The following SRCIN1 variants were observed in gnomAD, a reference collection of about 807,000 sequenced individuals.
The protein encoded by SRCIN1 is SRC kinase signaling inhibitor 1, also known as P130Cas-associated protein.
SRCIN1 carries 50 observed loss-of-function variants against 116.2 expected under a neutral mutation model. That is an observed-to-expected ratio of 0.43 (90% CI 0.34 to 0.54). The LOEUF (loss-of-function observed/expected upper bound fraction) is 0.54. Among genes scored for constraint, SRCIN1 ranks in the 20% least tolerant of loss-of-function variants. The pLI is 0.02. For missense variants in SRCIN1, 1,446 were observed against 1,672.0 expected, an observed-to-expected ratio of 0.86 and a Z score of 2.36; for synonymous variants, 736 against 750.0, an observed-to-expected ratio of 0.98 and a Z score of 0.30.
chr17:38,578,527 A>G lies in SRCIN1; in HGVS notation c.287T>C (p.Leu96Pro). The change falls in exon 2 of 19, where the codon CTG (leucine) becomes CCG (proline). Residue 96 changes from leucine (L) to proline (P), a missense_variant. By Grantham distance (98) the Leu-to-Pro change is moderately conservative (BLOSUM62 -3). This residue lies in a region of SRCIN1 where 246 missense variants were observed against 265.1 expected (regional missense o/e 0.93). Coordinates refer to ENST00000617146, the MANE Select transcript of SRCIN1 (RefSeq NM_025248.3). The stretch of plus-strand genomic sequence containing the variant: ...CCTGTCCTGCTGGCCTCGCAGGGCC[A>G]GGGCGTGCTGTGGGTACTTGCTCTT... ...HLKSKYPQHA[L>P]ALRGQQDRMR... 1 of 1,597,254 alleles carries G rather than the reference A, an allele frequency of 6.3e-7. No homozygotes were observed. Among genetic ancestry groups the G allele is most frequent in the Non-Finnish European group, 8.6e-7 (1 of 1,166,446 alleles).
intron 16 of SRCIN1, 85 bp from the exon 17 acceptor site, chr17:38,548,794 C>A: frequency 1.4e-6 from 2 of 1,442,254 alleles, no homozygotes; most frequent in Admixed American, 2.7e-5. Flanking sequence ...GCCCATGTAC[C>A]CCAGCTTCTC....
intron 18 of SRCIN1, chr17:38,543,120 G>A (rs886655651): frequency 3.7e-5 from 17 of 456,562 alleles, no homozygotes; most frequent in Non-Finnish European, 5.7e-5. Flanking sequence ...CACAGCCTCC[G>A]CGCCTGCTCA....
chr17:38,575,134 G>C (rs933201769), intron 2 of SRCIN1, among the ~76,000 whole-genome samples: 2 of 152,226 alleles, frequency 1.3e-5, no homozygotes, highest in African/African-American at 2.4e-5. Flanking sequence ...TTTAGGCTGG[G>C]TATCTCTCTA....
chr17:38,589,290 AG>A (rs1182809938), intron 1 of SRCIN1, among the ~76,000 whole-genome samples: 2 of 152,212 alleles, frequency 1.3e-5, no homozygotes, highest in Admixed American at 1.3e-4. Flanking sequence ...TGGGCCCACC[AG>A]GGTGCCCCAC....
At chr17:38,560,549 A>G in intron 7 of SRCIN1, 124 bp from the exon 8 acceptor site, 1 of 792,050 alleles carries the variant, frequency 1.3e-6, no homozygotes, top group Non-Finnish European at 2.1e-6. Flanking sequence ...CAAAACACAG[A>G]CAACGCAAAG....
At chr17:38,605,172 A>G (rs1597946419) in intron 1 of SRCIN1, among the ~76,000 whole-genome samples, 1 of 151,336 alleles carries the variant, frequency 6.6e-6, no homozygotes, top group East Asian at 2.0e-4. Flanking sequence ...AGGGCCCACC[A>G]CCACCATCCT....
chr17:38,570,843 C>T (rs925180340), intron 2 of SRCIN1, among the ~76,000 whole-genome samples: 1 of 152,218 alleles, frequency 6.6e-6, no homozygotes, highest in Admixed American at 6.5e-5. Flanking sequence ...CCAGCCAAGC[C>T]CCTCAAAGGA....
At chr17:38,534,023 A>T (rs2144875412) in intron 18 of SRCIN1, among the ~76,000 whole-genome samples, 1 of 152,268 alleles carries the variant, frequency 6.6e-6, no homozygotes, top group Non-Finnish European at 1.5e-5. Flanking sequence ...CTGCCGCACC[A>T]GCCTCCCGCC....
intron 2 of SRCIN1, among the ~76,000 whole-genome samples, chr17:38,569,112 G>C (rs1337198528): frequency 6.6e-6 from 1 of 152,176 alleles, no homozygotes; most frequent in Non-Finnish European, 1.5e-5. Context: ...TGGCTGGCTG[G>C]CTGATTGAGG....
intron 1 of SRCIN1, among the ~76,000 whole-genome samples, chr17:38,588,084 A>AAGAAGC (rs1567880895): frequency 6.6e-6 from 1 of 151,054 alleles, no homozygotes. Flanking sequence ...GAAGAAGAAG[A>AAGAAGC]AGAAGCAGAA....
rs776423275 is a variant in SRCIN1 at position 38,543,968 on chromosome 17, C to G, written c.3272G>C (p.Ser1091Thr). The change falls in exon 18 of 19, where the codon AGT becomes ACT. Residue 1091 changes from serine to threonine, a missense_variant and splice_region_variant. Ser to Thr is a moderately conservative substitution (Grantham distance 58, BLOSUM62 1). Transcript: ENST00000617146. Reference protein sequence around the residue: ...DEDRIIAELESGGGSVPPMKV... With the variant: ...DEDRIIAELETGGGSVPPMKV... ...CATGGGTGGTACACTGCCTCCGCCA[C>G]TCTGCAGGAAGAGGAACAGGGTTGC... is the stretch of plus-strand genomic sequence containing the variant. 6.3e-7 allele frequency: 1 copy of G among 1,581,422 alleles called. No individual in the cohort carries two copies. Among genetic ancestry groups the G allele is most frequent in the Non-Finnish European group, 8.5e-7 (1 of 1,169,710 alleles).
Position 38,533,282 on chromosome 17 carries a change from CG to C in SRCIN1, c.*14del. On this transcript the variant is annotated 3_prime_UTR_variant, in exon 19 of 19. Coordinates refer to ENST00000617146, the MANE Select transcript of SRCIN1 (RefSeq NM_025248.3). ...TGAGGGAGGGGGACAGGCGGGGCAG[CG>C]GGGTGAGGGGCTTCTAGAAGGAGAT... The C allele has an allele frequency of 1.5e-6, 2 of 1,331,278 alleles. No homozygotes were observed. The highest frequency in any genetic ancestry group is 2.6e-5 in the East Asian group (1 of 38,412). The allele number at this position is 1,331,278 out of a possible 1,614,324, so 82.5% of individuals were successfully genotyped here.
chr17:38,564,350 G>C, intron 3 of SRCIN1, 37 bp from the exon 4 acceptor site: 1 of 1,460,336 alleles, frequency 6.8e-7, no homozygotes, highest in East Asian at 2.5e-5. Context: ...AACCAAGGAT[G>C]AGCACCCCCC....
At chr17:38,564,599 G>A (rs1485353912) in intron 3 of SRCIN1, among the ~76,000 whole-genome samples, 1 of 152,116 alleles carries the variant, frequency 6.6e-6, no homozygotes, top group African/African-American at 2.4e-5. Flanking sequence ...CCATGGGCAC[G>A]GCTGCTATTT....
At chr17:38,535,209 C>CTTTTTTTTT (rs71138630) in intron 18 of SRCIN1, among the ~76,000 whole-genome samples, 1 of 128,932 alleles carries the variant, frequency 7.8e-6, no homozygotes, top group African/African-American at 3.0e-5. Flanking sequence ...CTTTTTCTTT[C>CTTTTTTTTT]TTTTTTTTTT....
chr17:38,582,836 C>T (rs1907898395), intron 1 of SRCIN1, among the ~76,000 whole-genome samples: 1 of 152,128 alleles, frequency 6.6e-6, no homozygotes, highest in African/African-American at 2.4e-5. Context: ...CTTCTTTCTG[C>T]AGGGCCCCAG....
Position 38,538,856 on chromosome 17 carries a change from C to T in SRCIN1, c.3417+4967G>A, listed in dbSNP as rs78008365. 3.5e-4 allele frequency among the ~76,000 whole-genome samples: 53 copies of T among 152,258 alleles called. 2 individuals are homozygous for T. In the East Asian group the frequency reaches 5.8e-3, roughly 17 times the overall value. ...AGTCCCAGCTCTGCCACTTTTTAAC[C>T]GTGTGACCCTAATCGCATATCTCTC... On this transcript the variant is annotated intron_variant, in intron 18 of 18. Coordinates refer to ENST00000617146, the MANE Select transcript of SRCIN1 (RefSeq NM_025248.3).
intron 1 of SRCIN1, 105 bp from the exon 2 acceptor site, chr17:38,578,896 G>A: frequency 1.5e-6 from 2 of 1,319,338 alleles, no homozygotes; most frequent in South Asian, 3.1e-5. Flanking sequence ...TGGGCCTAAG[G>A]AGAGTGGAGA....
rs1003002881 is a variant in SRCIN1, at chr17:38,533,162, C to T, written c.*135G>A. 20 of 1,079,838 alleles carry T rather than the reference C, an allele frequency of 1.9e-5. No homozygotes were observed. The highest frequency in any genetic ancestry group is 1.3e-4 in the South Asian group (6 of 46,786). 66.9% of individuals were successfully genotyped at this position (1,079,838 alleles called of 1,614,324 possible). A position where few individuals can be genotyped will look rare whatever the true frequency, so the allele number is the denominator to read the frequency against. On this transcript the variant is annotated 3_prime_UTR_variant, in exon 19 of 19. Coordinates refer to ENST00000617146, the MANE Select transcript of SRCIN1 (RefSeq NM_025248.3). ...ATGGGTAGGGGTCGCTGAGGAGGGC[C>T]GCACCCTCCTCTTCAGGGCACACCC...
Sources: allele counts gnomAD v4.1 joint callset (sites outside exome capture counted in the v4.1 genomes callset), GRCh38; gene constraint gnomAD v4.1.1; regional missense constraint gnomAD v4.1.1; transcripts MANE v1.5; gene names NCBI Gene and HGNC (gene_info 2026-07-23, HGNC 2026-07-21).